The following SASH1 variants were observed in gnomAD, a reference collection of about 807,000 sequenced individuals.
SASH1 encodes the protein SAM and SH3 domain-containing protein 1.
SASH1 carries 44 observed loss-of-function variants against 125.2 expected under a neutral mutation model. The ratio of observed to expected loss-of-function variants is 0.35; its 90% CI spans 0.28 to 0.45. The LOEUF (loss-of-function observed/expected upper bound fraction) is 0.45. Among genes scored for constraint, SASH1 ranks in the 20% least tolerant of loss-of-function variants. The pLI is 1.00. For synonymous variants in SASH1, 639 were observed against 649.1 expected, an observed-to-expected ratio of 0.98 and a Z score of 0.24; for missense variants, 1,426 against 1,614.5, an observed-to-expected ratio of 0.88 and a Z score of 2.00.
intron 2 of SASH1, among the ~76,000 whole-genome samples, chr6:148,400,676 G>A (rs6926239): frequency 0.36 from 54,953 of 152,034 alleles, 10,292 homozygotes; most frequent in Non-Finnish European, 0.41. Context: ...ACTTAAACCC[G>A]GGAAGTTGAG....
intron 2 of SASH1, among the ~76,000 whole-genome samples, chr6:148,419,044 G>A (rs973568967): frequency 6.6e-6 from 1 of 152,132 alleles, no homozygotes; most frequent in Non-Finnish European, 1.5e-5. Flanking sequence ...GGTGAAATTT[G>A]AGAGGTTTTC....
chr6:148,501,252 C>T (rs552155388), intron 8 of SASH1, among the ~76,000 whole-genome samples: 2 of 152,204 alleles, frequency 1.3e-5, no homozygotes, highest in East Asian at 3.9e-4. Flanking sequence ...GAGAAGTCAT[C>T]GTGCCTGATA....
Position 148,343,187 on chromosome 6 carries a change from G to C in SASH1, c.120G>C (p.Ala40=). The part of the protein sequence containing the change: ...EPKPGAGTSE[A]FSRLWTDVMG... ...AGCCGGGTGCTGGCACATCCGAGGC[G>C]TTCTCCCGACTCTGGACCGACGTGA... The change falls in exon 1 of 20, where the codon GCG becomes GCC. Residue 40 remains alanine (A), a synonymous_variant. Coordinates refer to ENST00000367467, the MANE Select transcript of SASH1 (RefSeq NM_015278.5). 6.3e-7 allele frequency: 1 copy of C among 1,599,944 alleles called. No individual in the cohort carries two copies. The highest frequency in any genetic ancestry group is 8.5e-7 in the Non-Finnish European group (1 of 1,179,034).
intron 1 of SASH1, among the ~76,000 whole-genome samples, chr6:148,277,527 G>A (rs1260805682): frequency 4.6e-5 from 7 of 152,220 alleles, no homozygotes; most frequent in South Asian, 2.1e-4. Flanking sequence ...ACACTGCAGC[G>A]TCAGAAGGAC....
At chr6:148,324,752 A>G (rs1780751446) in intron 1 of SASH1, among the ~76,000 whole-genome samples, 1 of 152,234 alleles carries the variant, frequency 6.6e-6, no homozygotes, top group African/African-American at 2.4e-5. Context: ...GATGACTAAC[A>G]GTCCTAGTTA....
chr6:148,216,020 G>A, the SASH1 span, among the ~76,000 whole-genome samples: 2 of 151,972 alleles, frequency 1.3e-5, no homozygotes, highest in Admixed American at 1.3e-4. Flanking sequence ...ACCACACCCA[G>A]CTAATTTTTG....
intron 1 of SASH1, among the ~76,000 whole-genome samples, chr6:148,387,616 C>CTTCCTTCCTTCCTTCCTTCCTTCCTTCCT (rs1562371169): frequency 4.8e-5 from 1 of 21,002 alleles, no homozygotes; most frequent in African/African-American, 2.0e-4. Flanking sequence ...TTCTTTCTTT[C>CTTCCTTCCTTCCTTCCTTCCTTCCTTCCT]TTTCTTTCTT....
chr6:148,462,473 C>G (rs1049807724), intron 4 of SASH1, among the ~76,000 whole-genome samples: 1 of 152,022 alleles, frequency 6.6e-6, no homozygotes. Flanking sequence ...GTAGCTTAGA[C>G]TATTTGTATA....
At position 148,550,600 on chromosome 6, in the gene SASH1, A is replaced by G. The variant is rs1206026098; in HGVS notation, c.*2042A>G. The G allele has an allele frequency of 6.6e-6, 1 of 152,230 alleles. No homozygotes were observed. The highest frequency in any genetic ancestry group is 1.5e-5 in the Non-Finnish European group (1 of 68,034). The allele number at this position is 152,230 out of a possible 1,614,324, so 9.4% of individuals were successfully genotyped here. A position where few individuals can be genotyped will look rare whatever the true frequency, so the allele number is the denominator to read the frequency against. ...TAGAATAAAAAGCTAAAGCTGCCAA[A>G]TTTCTGTTGAACTCTTAAAAACAGC... On this transcript the variant is annotated 3_prime_UTR_variant, in exon 20 of 20. Coordinates refer to ENST00000367467, the MANE Select transcript of SASH1 (RefSeq NM_015278.5).
the SASH1 span, among the ~76,000 whole-genome samples, chr6:148,201,606 CG>C: frequency 6.6e-6 from 1 of 152,142 alleles, no homozygotes; most frequent in African/African-American, 2.4e-5. Context: ...AGCTCAAAAC[CG>C]TATCACCCAT....
chr6:148,251,975 G>A, the SASH1 span, among the ~76,000 whole-genome samples: 1 of 151,818 alleles, frequency 6.6e-6, no homozygotes. Context: ...GAATGATGAG[G>A]AAATGCACAT....
intron 1 of SASH1, among the ~76,000 whole-genome samples, chr6:148,377,196 A>G (rs1193791326): frequency 1.6e-5 from 2 of 125,286 alleles, no homozygotes; most frequent in African/African-American, 6.1e-5. Flanking sequence ...AAAAAAAAAC[A>G]AAAAAAAAAC....
At chr6:148,341,749 T>C (rs1781334929), upstream of SASH1, among the ~76,000 whole-genome samples, 2 of 150,634 alleles carry the variant, frequency 1.3e-5, no homozygotes, top group Non-Finnish European at 2.9e-5. Context: ...CAAGCAGGGC[T>C]CTCTCCCTGG....
At chr6:148,387,515 CCTTCTTTCTTTCTTT>C (rs1386646521) in intron 1 of SASH1, among the ~76,000 whole-genome samples, 6 of 141,044 alleles carry the variant, frequency 4.3e-5, no homozygotes, top group Non-Finnish European at 7.7e-5. Flanking sequence ...CTTTCTTTTT[CCTTCTTTCTTTCTTT>C]CTTCTTTCTT....
chr6:148,266,360 G>C, the SASH1 span, among the ~76,000 whole-genome samples: 2 of 152,170 alleles, frequency 1.3e-5, no homozygotes, highest in Non-Finnish European at 2.9e-5. Flanking sequence ...GATAAAATAA[G>C]AAGAATGTTT....
At chr6:148,379,921 C>T (rs776658636) in intron 1 of SASH1, 1 of 456,490 alleles carries the variant, frequency 2.2e-6, no homozygotes, top group South Asian at 1.5e-5. Flanking sequence ...CCTCCCAGGC[C>T]CAGGATTTTA....
chr6:148,259,307 G>A, the SASH1 span, among the ~76,000 whole-genome samples: 1 of 152,168 alleles, frequency 6.6e-6, no homozygotes, highest in South Asian at 2.1e-4. Context: ...GAAGGGACAG[G>A]GTTGCCAATG....
intron 1 of SASH1, among the ~76,000 whole-genome samples, chr6:148,389,317 G>A (rs1482858130): frequency 1.3e-5 from 2 of 151,752 alleles, no homozygotes; most frequent in South Asian, 4.1e-4. Flanking sequence ...AATACCAGGC[G>A]CTATGGAGCT....
intron 1 of SASH1, among the ~76,000 whole-genome samples, chr6:148,307,926 C>T (rs936571383): frequency 2.6e-5 from 4 of 152,090 alleles, no homozygotes; most frequent in African/African-American, 7.2e-5. Context: ...ATGTGCAAAG[C>T]ACTGAAGAGG....
Sources: allele counts gnomAD v4.1 joint callset (sites outside exome capture counted in the v4.1 genomes callset), GRCh38; gene constraint gnomAD v4.1.1; transcripts MANE v1.5; gene names NCBI Gene and HGNC (gene_info 2026-07-23, HGNC 2026-07-21).